Variants in TRMT11 observed in about 807,000 individuals in gnomAD.
TRMT11 encodes the protein tRNA (guanine(10)-N(2))-methyltransferase TRMT11.
A neutral mutation model predicts 62.8 loss-of-function variants in TRMT11; 53 were observed. That is an observed-to-expected ratio of 0.84 (90% confidence interval 0.68 to 1.06). The LOEUF (loss-of-function observed/expected upper bound fraction) is 1.06, where lower values mean the gene tolerates loss of function less well. Among genes scored for constraint, TRMT11 ranks in the 50% least tolerant of loss-of-function variants. The pLI is 0.00. For synonymous variants in TRMT11, 188 were observed against 190.3 expected, an observed-to-expected ratio of 0.99 and a Z score of 0.10; for missense variants, 556 against 553.4, an observed-to-expected ratio of 1.00 and a Z score of -0.05.
chr6:126,019,295 C>T lies in TRMT11; in HGVS notation c.1140-1865C>T, dbSNP rs148085873. ...TTAATTGTTAAAAATGAATTAAGAT[C>T]GAGTCAAAAAAGATAATATGAAACA... is the stretch of plus-strand genomic sequence containing the variant. On this transcript the variant is annotated intron_variant, in intron 11 of 12. Coordinates refer to ENST00000334379, the MANE Select transcript of TRMT11 (RefSeq NM_001031712.3). Among the ~76,000 whole-genome samples the T allele has an allele frequency of 9.4e-4, 143 of 152,186 alleles. 1 individual carries two copies. The highest frequency in any genetic ancestry group is 3.4e-3 in the Middle Eastern group (1 of 294).
chr6:126,019,030 G>A (rs1007548357), intron 11 of TRMT11, among the ~76,000 whole-genome samples: 2 of 152,012 alleles, frequency 1.3e-5, no homozygotes, highest in Non-Finnish European at 2.9e-5. Flanking sequence ...ACAGGCATGT[G>A]CCACCATGCC....
At chr6:126,213,143 G>A in the TRMT11 span, among the ~76,000 whole-genome samples, 11 of 152,012 alleles carry the variant, frequency 7.2e-5, no homozygotes, top group East Asian at 7.7e-4. Context: ...CTGTTTTTAC[G>A]CCAGCACCAT....
chr6:126,108,720 G>C (rs1777492903), intron 17 of TRMT11, among the ~76,000 whole-genome samples: 1 of 152,254 alleles, frequency 6.6e-6, no homozygotes, highest in Non-Finnish European at 1.5e-5. Context: ...GAGGAAAATG[G>C]GAAGAAATAA....
the TRMT11 span, among the ~76,000 whole-genome samples, chr6:126,223,104 T>A: frequency 6.6e-6 from 1 of 152,196 alleles, no homozygotes; most frequent in East Asian, 1.9e-4. Context: ...TGGTATGAAA[T>A]TCTTGGTTGG....
chr6:126,037,102 G>T (rs1051758719), intron 12 of TRMT11, among the ~76,000 whole-genome samples: 1 of 151,894 alleles, frequency 6.6e-6, no homozygotes, highest in African/African-American at 2.4e-5. Context: ...TATTCTCAGA[G>T]CTCCTCCTGC....
At chr6:126,111,534 A>G (rs1411498796) in intron 17 of TRMT11, among the ~76,000 whole-genome samples, 1 of 152,148 alleles carries the variant, frequency 6.6e-6, no homozygotes, top group Non-Finnish European at 1.5e-5. Flanking sequence ...TCACTTTCCC[A>G]GCACCAGATC....
intron 17 of TRMT11, among the ~76,000 whole-genome samples, chr6:126,069,584 T>C (rs913117321): frequency 6.6e-5 from 10 of 152,232 alleles, no homozygotes; most frequent in African/African-American, 2.4e-4. Flanking sequence ...GCCATGCACT[T>C]GGAAACAGTC....
At chr6:126,206,479 C>T (rs1778793283), downstream of TRMT11, among the ~76,000 whole-genome samples, 1 of 152,218 alleles carries the variant, frequency 6.6e-6, no homozygotes, top group Admixed American at 6.5e-5. Context: ...CTTTAGTTCA[C>T]AGCACAAGCA....
chr6:126,231,909 C>G, the TRMT11 span, among the ~76,000 whole-genome samples: 1 of 152,150 alleles, frequency 6.6e-6, no homozygotes, highest in South Asian at 2.1e-4. Context: ...ATCTTTGCCT[C>G]CCAGTTCTTT....
intron 17 of TRMT11, among the ~76,000 whole-genome samples, chr6:126,096,189 G>A (rs1178526199): frequency 6.6e-6 from 1 of 152,178 alleles, no homozygotes; most frequent in African/African-American, 2.4e-5. Context: ...TTTATGTATA[G>A]CCTTTCATTA....
intron 17 of TRMT11, among the ~76,000 whole-genome samples, chr6:126,085,990 C>CAAACA (rs549412341): frequency 3.3e-5 from 5 of 151,952 alleles, no homozygotes; most frequent in African/African-American, 4.8e-5. Flanking sequence ...AAAAATGACA[C>CAAACA]AAACAAAACA....
the TRMT11 span, among the ~76,000 whole-genome samples, chr6:126,241,427 C>A: frequency 1.3e-5 from 2 of 152,176 alleles, no homozygotes; most frequent in African/African-American, 4.8e-5. Context: ...AGAGGGAATT[C>A]TCCCTAACTC....
At chr6:126,245,727 C>T in the TRMT11 span, among the ~76,000 whole-genome samples, 2,283 of 152,272 alleles carry the variant, frequency 0.015, 56 homozygotes, top group African/African-American at 0.049. Flanking sequence ...TGGTATGGCT[C>T]TTTGTTCCTC....
chr6:126,074,034 ACCTCCCACCAGGTC>A (rs1239818825), intron 17 of TRMT11, among the ~76,000 whole-genome samples: 2 of 152,000 alleles, frequency 1.3e-5, no homozygotes, highest in African/African-American at 4.8e-5. Context: ...AGATTAAATG[ACCTCCCACCAGGTC>A]CCTCCCATGA....
chr6:126,100,889 G>A (rs1777391989), intron 17 of TRMT11, among the ~76,000 whole-genome samples: 1 of 152,140 alleles, frequency 6.6e-6, no homozygotes, highest in African/African-American at 2.4e-5. Context: ...CTCCTGTGGG[G>A]GTGATGTGAG....
At chr6:126,237,058 C>CTAGAGA in the TRMT11 span, among the ~76,000 whole-genome samples, 1 of 143,000 alleles carries the variant, frequency 7.0e-6, no homozygotes, top group Non-Finnish European at 1.5e-5. Flanking sequence ...ACTTGACCTC[C>CTAGAGA]TAGAGATAGA....
intron 17 of TRMT11, among the ~76,000 whole-genome samples, chr6:126,061,540 A>G (rs1417751462): frequency 7.4e-6 from 1 of 135,424 alleles, no homozygotes; most frequent in Admixed American, 7.3e-5. Flanking sequence ...GGATCAGTCA[A>G]TTTTTTTTTT....
intron 12 of TRMT11, among the ~76,000 whole-genome samples, chr6:126,037,415 A>G (rs1196572564): frequency 6.6e-6 from 1 of 152,114 alleles, no homozygotes; most frequent in African/African-American, 2.4e-5. Flanking sequence ...TTAGTTGTAT[A>G]CCTACACATT....
intron 8 of TRMT11, among the ~76,000 whole-genome samples, chr6:126,010,674 A>T (rs909058451): frequency 6.6e-6 from 1 of 152,106 alleles, no homozygotes; most frequent in Non-Finnish European, 1.5e-5. Context: ...AATGAATCTA[A>T]TCTTTTTTCT....
Sources: gnomAD v4.1 joint callset for allele counts (sites outside exome capture counted in the v4.1 genomes callset) on GRCh38, gnomAD v4.1.1 for gene constraint, MANE v1.5 for transcripts, NCBI Gene and HGNC (gene_info 2026-07-23, HGNC 2026-07-21) for gene names.